ZMYM2: variants seen among roughly 807,000 people sequenced by gnomAD.
ZMYM2 encodes zinc finger MYM-type containing 2.
In ZMYM2, 56 loss-of-function variants were observed where a neutral mutation model predicts 162.8. The observed-to-expected ratio is 0.34, with a 90% CI of 0.28 to 0.43. The LOEUF (loss-of-function observed/expected upper bound fraction) is 0.43. Ranked by LOEUF, ZMYM2 falls within the 20% of genes least tolerant of loss-of-function variation. ZMYM2 has a pLI of 1.00. For missense variants in ZMYM2, 1,275 were observed against 1,621.8 expected (o/e 0.79, Z 3.67); for synonymous variants, 510 against 541.6 (o/e 0.94, Z 0.81).
At chr13:19,978,220 A>T (rs1956964219) in intron 2 of ZMYM2, among the ~76,000 whole-genome samples, 1 of 152,112 alleles carries the variant, frequency 6.6e-6, no homozygotes, top group South Asian at 2.1e-4. Context: ...TAAAATAGCC[A>T]TATACCCTTC....
intron 21 of ZMYM2, among the ~76,000 whole-genome samples, chr13:20,075,670 C>CTTTTTTGTTTTT (rs1957436321): frequency 1.3e-5 from 1 of 75,738 alleles, no homozygotes; most frequent in African/African-American, 5.4e-5. Context: ...CTATAGACAC[C>CTTTTTTGTTTTT]TTTTTTTTTT....
the ZMYM2 span, among the ~76,000 whole-genome samples, chr13:19,894,275 G>A: frequency 6.6e-6 from 1 of 151,278 alleles, no homozygotes; most frequent in Non-Finnish European, 1.5e-5. Context: ...TGCTCAGATT[G>A]TTTACATTAG....
At chr13:20,039,275 C>T (rs1413559564) in intron 12 of ZMYM2, among the ~76,000 whole-genome samples, 1 of 152,028 alleles carries the variant, frequency 6.6e-6, no homozygotes, top group Non-Finnish European at 1.5e-5. Context: ...CTTTCTCTTT[C>T]GTGATTGCTC....
intron 2 of ZMYM2, among the ~76,000 whole-genome samples, chr13:19,981,557 T>G (rs747175747): frequency 2.4e-4 from 37 of 152,210 alleles, no homozygotes; most frequent in Admixed American, 7.2e-4. Context: ...AGCCCTGGTT[T>G]CAGTAGGTGG....
chr13:20,073,764 T>C (rs1957264405), intron 21 of ZMYM2, among the ~76,000 whole-genome samples: 1 of 152,240 alleles, frequency 6.6e-6, no homozygotes, highest in South Asian at 2.1e-4. Flanking sequence ...TTCAATACCG[T>C]TAAGAGGTTT....
At chr13:19,906,283 AGTAT>A in the ZMYM2 span, among the ~76,000 whole-genome samples, 1 of 17,028 alleles carries the variant, frequency 5.9e-5, no homozygotes, top group Non-Finnish European at 1.3e-4. Flanking sequence ...CTCAAAAAAA[AGTAT>A]ATATATATAT....
In ZMYM2 at chr13:20,014,081, T is replaced by C. The variant is rs568291076; in HGVS notation, c.1513-5466T>C. Among the ~76,000 whole-genome samples, 111 of 152,248 alleles carry C rather than the reference T, an allele frequency of 7.3e-4. 1 individual carries two copies. The highest frequency in any genetic ancestry group is 2.6e-3 in the African/African-American group (109 of 41,532). ...TCTTTTTTGGGACTTTTTGTTTGTT[T>C]GTTTGTTTGTGAGACAGAGTCTCAC... is the stretch of plus-strand genomic sequence containing the variant. On this transcript the variant is annotated intron_variant, in intron 6 of 24. Coordinates refer to ENST00000610343, the MANE Select transcript of ZMYM2 (RefSeq NM_197968.4).
At chr13:19,892,836 T>C in the ZMYM2 span, among the ~76,000 whole-genome samples, 1 of 151,334 alleles carries the variant, frequency 6.6e-6, no homozygotes, top group Non-Finnish European at 1.5e-5. Flanking sequence ...TGCCTCAGCC[T>C]CCTGAGTAGC....
In ZMYM2 at chr13:20,064,397, T is replaced by A. The variant is rs1342259197; in HGVS notation, c.3038-54T>A. 8.8e-6 allele frequency: 13 copies of A among 1,476,280 alleles called. No homozygotes were observed. In the African/African-American group the frequency reaches 1.3e-4, roughly 14 times the overall value. The allele number at this position is 1,476,280 out of a possible 1,614,324, so 91.4% of individuals were successfully genotyped here. Reference sequence around the variant, plus strand: ...GTGGTTAGTTCTTTGTTGGCTGTGTTTATGTAACCCTGTGCTATTTCATTT... The same window carrying A: ...GTGGTTAGTTCTTTGTTGGCTGTGTATATGTAACCCTGTGCTATTTCATTT... On this transcript the variant is annotated intron_variant, in intron 18 of 24. Coordinates refer to ENST00000610343, the MANE Select transcript of ZMYM2 (RefSeq NM_197968.4).
At chr13:19,930,714 A>G in the ZMYM2 span, among the ~76,000 whole-genome samples, 1 of 151,224 alleles carries the variant, frequency 6.6e-6, no homozygotes, top group Non-Finnish European at 1.5e-5. Context: ...TAATTTATGT[A>G]TTTTTAGTAG....
At chr13:20,074,740 G>A (rs1370058443) in intron 21 of ZMYM2, among the ~76,000 whole-genome samples, 2 of 151,846 alleles carry the variant, frequency 1.3e-5, no homozygotes, top group African/African-American at 2.4e-5. Context: ...AGGTTTCACC[G>A]TGTTAGCCGG....
chr13:19,887,998 C>T, the ZMYM2 span, among the ~76,000 whole-genome samples: 1 of 151,554 alleles, frequency 6.6e-6, no homozygotes, highest in Admixed American at 6.6e-5. Flanking sequence ...TCTCCTGCCT[C>T]AGCCTCCCGA....
chr13:20,083,201 T>G (rs572002485), intron 23 of ZMYM2, among the ~76,000 whole-genome samples, 169 bp downstream of exon 23: 6 of 152,186 alleles, frequency 3.9e-5, no homozygotes, highest in Non-Finnish European at 8.8e-5. Flanking sequence ...TGGCTGGGAT[T>G]ACAGGCAGGC....
At chr13:19,878,476 A>G in the ZMYM2 span, among the ~76,000 whole-genome samples, 3 of 147,872 alleles carry the variant, frequency 2.0e-5, no homozygotes, top group African/African-American at 7.5e-5. Context: ...ACTGGCATTC[A>G]TGTATCTTGT....
the ZMYM2 span, among the ~76,000 whole-genome samples, chr13:19,921,626 TA>T: frequency 2.0e-5 from 3 of 152,166 alleles, no homozygotes; most frequent in Non-Finnish European, 4.4e-5. Flanking sequence ...ACTTATTTTT[TA>T]AAAAAATTGT....
chr13:19,906,974 C>T, the ZMYM2 span, among the ~76,000 whole-genome samples: 1 of 152,108 alleles, frequency 6.6e-6, no homozygotes, highest in Non-Finnish European at 1.5e-5. Context: ...AATCTGACTG[C>T]CTTGGCATCC....
At chr13:19,954,730 T>C (rs1156637665), upstream of ZMYM2, among the ~76,000 whole-genome samples, 1 of 152,208 alleles carries the variant, frequency 6.6e-6, no homozygotes, top group East Asian at 1.9e-4. Flanking sequence ...TATATATCAA[T>C]AAGTAATATT....
chr13:20,001,467 G>A (rs956806192), intron 3 of ZMYM2, among the ~76,000 whole-genome samples: 1 of 151,914 alleles, frequency 6.6e-6, no homozygotes, highest in Non-Finnish European at 1.5e-5. Flanking sequence ...AACTTGCACA[G>A]ATGAGGAGTT....
chr13:20,060,489 G>GCCAA, intron 16 of ZMYM2, among the ~76,000 whole-genome samples: 1 of 152,236 alleles, frequency 6.6e-6, no homozygotes, highest in East Asian at 1.9e-4. Flanking sequence ...GACCAGACTG[G>GCCAA]CCAACATGGT....
Sources: gnomAD v4.1 joint callset for allele counts (sites outside exome capture counted in the v4.1 genomes callset) on GRCh38, gnomAD v4.1.1 for gene constraint, MANE v1.5 for transcripts, NCBI Gene and HGNC (gene_info 2026-07-23, HGNC 2026-07-21) for gene names.